The following EDN3 variants were observed in gnomAD, a reference collection of about 807,000 sequenced individuals.
EDN3 encodes the protein endothelin 3, also known as endothelin-3.
Under a neutral mutation model 21.4 loss-of-function variants are expected in EDN3, and 9 were observed. The ratio of observed to expected loss-of-function variants is 0.42; its 90% CI spans 0.25 to 0.73. EDN3 has a LOEUF of 0.73. Among genes scored for constraint, EDN3 ranks in the 30% least tolerant of loss-of-function variants. The pLI is 0.26. For synonymous variants in EDN3, 133 were observed against 126.2 expected (o/e 1.05, Z -0.36); for missense variants, 327 against 309.4 (o/e 1.06, Z -0.43).
rs1990629393 is a variant in EDN3, at chr20:59,322,770, A to G, written c.588+353A>G. On this transcript the variant is annotated intron_variant, in intron 4 of 4. Transcript: ENST00000337938. The surrounding 1 kb of genome is among the most constrained non-coding windows in gnomAD (Gnocchi z 4.1). ...CAACCACCGCTCTCAGAGGCCCTGT[A>G]GGCTGCTCTGCCCAGACCCACACTT... Among the ~76,000 whole-genome samples, 1 of 152,178 alleles carries G rather than the reference A, an allele frequency of 6.6e-6. No homozygotes were observed. Among genetic ancestry groups the G allele is most frequent in the Admixed American group, 6.5e-5 (1 of 15,274 alleles).
intron 4 of EDN3, among the ~76,000 whole-genome samples, chr20:59,323,231 G>C (rs540480592): frequency 6.6e-6 from 1 of 152,142 alleles, no homozygotes; most frequent in South Asian, 2.1e-4. Flanking sequence ...AAAATGGAGC[G>C]GGAGGAGGAG....
intron 3 of EDN3, 58 bp downstream of exon 3, chr20:59,321,251 C>T (rs1046383723): frequency 6.3e-7 from 1 of 1,581,086 alleles, no homozygotes; most frequent in Non-Finnish European, 8.7e-7. Flanking sequence ...CTCGGCAAGG[C>T]CAGGCCAGGG....
intron 2 of EDN3, among the ~76,000 whole-genome samples, chr20:59,312,400 A>G (rs1283054332): frequency 6.6e-6 from 1 of 152,104 alleles, no homozygotes; most frequent in Non-Finnish European, 1.5e-5. Context: ...AAAATCCTGC[A>G]CCACATAACA....
At chr20:59,320,600 G>A (rs1990471968) in intron 2 of EDN3, among the ~76,000 whole-genome samples, 4 of 152,244 alleles carry the variant, frequency 2.6e-5, no homozygotes, top group South Asian at 2.1e-4. Context: ...TAGGCCGGCC[G>A]TGGTTTGGTC....
At chr20:59,302,268 T>C (rs1989102509) in intron 2 of EDN3, among the ~76,000 whole-genome samples, 1 of 152,160 alleles carries the variant, frequency 6.6e-6, no homozygotes, top group Non-Finnish European at 1.5e-5. Flanking sequence ...TGGGCCCCCC[T>C]GGATGCCAAG....
intron 1 of EDN3, among the ~76,000 whole-genome samples, chr20:59,301,203 G>T (rs1015145592): frequency 6.6e-6 from 1 of 152,268 alleles, no homozygotes; most frequent in Non-Finnish European, 1.5e-5. Flanking sequence ...TATGCAAAAT[G>T]CATGCAAGTT....
In EDN3 at chr20:59,322,933, T is replaced by C. The variant is rs974624524; in HGVS notation, c.588+516T>C. ...TTGGTTCTCCAGTTCATTGTATTAT[T>C]TTTTTTAACCCACTTGTCTTTTTTG... On this transcript the variant is annotated intron_variant, in intron 4 of 4. Transcript: ENST00000337938. This position sits in a 1 kb window ranked among gnomAD's most constrained non-coding sequence, Gnocchi z 4.1. Among the ~76,000 whole-genome samples, 2 of 152,038 alleles carry C rather than the reference T, an allele frequency of 1.3e-5. No individual in the cohort carries two copies. Among genetic ancestry groups the C allele is most frequent in the African/African-American group, 4.8e-5 (2 of 41,400 alleles).
rs1353604924 is a variant in EDN3, at chr20:59,300,963, G to C, written c.52+99G>C. The C allele has an allele frequency of 7.8e-6, 11 of 1,403,362 alleles. No homozygotes were observed. In the Admixed American group the frequency reaches 2.0e-4, roughly 25 times the overall value. The allele number at this position is 1,403,362 out of a possible 1,614,324, so 86.9% of individuals were successfully genotyped here. On this transcript the variant is annotated intron_variant, in intron 1 of 4. Coordinates refer to ENST00000337938, the MANE Select transcript of EDN3 (RefSeq NM_207034.3). ...GCGGAGAAGATGTGCGTCGCGGGGA[G>C]CAAACTCTTGCCTGGGCTCTGCACT...
intron 2 of EDN3, among the ~76,000 whole-genome samples, chr20:59,310,762 C>T (rs3026599): frequency 0.064 from 9,731 of 152,166 alleles, 393 homozygotes; most frequent in South Asian, 0.16. Context: ...ACAAAAGTAC[C>T]GACAGACGCA....
In EDN3 at chr20:59,301,733, C is replaced by T. The variant is rs1407203859; in HGVS notation, c.365+11C>T. 3 of 1,613,934 alleles carry T rather than the reference C, an allele frequency of 1.9e-6. No homozygotes were observed. The highest frequency in any genetic ancestry group is 2.5e-6 in the Non-Finnish European group (3 of 1,179,902). ...GATCAACACTCCCGAGTAAGTCAGC[C>T]TTTTGTGGTGAGGAACGTGGCTCCC... On this transcript the variant is annotated intron_variant, in intron 2 of 4. Coordinates refer to ENST00000337938, the MANE Select transcript of EDN3 (RefSeq NM_207034.3).
chr20:59,324,370 C>T lies in EDN3; in HGVS notation c.628C>T (p.Leu210Phe). 3.1e-6 allele frequency: 5 copies of T among 1,614,160 alleles called. No individual in the cohort carries two copies. The highest frequency in any genetic ancestry group is 4.2e-6 in the Non-Finnish European group (5 of 1,180,028). ...KDQQSKQALD[L>F]HHPKLMPGSG... ...CCAACAAAGCAAGCAGGCTTTAGAC[C>T]TCCACCATCCAAAGCTCATGCCCGG... Residue 210 changes from leucine to phenylalanine, a missense_variant, in exon 5 of 5, where the codon CTC becomes TTC. Leu to Phe is a conservative substitution (Grantham distance 22, BLOSUM62 0). Coordinates refer to ENST00000337938, the MANE Select transcript of EDN3 (RefSeq NM_207034.3).
At chr20:59,312,887 G>A (rs1005919424) in intron 2 of EDN3, among the ~76,000 whole-genome samples, 2 of 152,172 alleles carry the variant, frequency 1.3e-5, no homozygotes, top group Non-Finnish European at 2.9e-5. Context: ...CTGTGAATGA[G>A]TCATCCTTGG....
At position 59,322,286 on chromosome 20, in the gene EDN3, GGGAAGA is replaced by G; in HGVS notation, c.543-80_543-75del. ...GAACGCACTAATGTGCTCATTGGTG[GGGAAGA>G]GGAAGTCATAATTTGACACCGAAAA... On this transcript the variant is annotated intron_variant, in intron 3 of 4. Transcript: ENST00000337938. The surrounding 1 kb of genome is among the most constrained non-coding windows in gnomAD (Gnocchi z 4.1). 1 of 1,466,200 alleles carries G rather than the reference GGGAAGA, an allele frequency of 6.8e-7. No homozygotes were observed. The highest frequency in any genetic ancestry group is 9.6e-7 in the Non-Finnish European group (1 of 1,046,778). 90.8% of individuals were successfully genotyped at this position (1,466,200 alleles called of 1,614,324 possible).
In EDN3 at chr20:59,321,230, A is replaced by G. The variant is rs76439042; in HGVS notation, c.542+37A>G. ...CCTCCAGTTTCACTCATTTGCAGAT[A>G]TGCATCAACCCTCGGCAAGGCCAGG... is the stretch of plus-strand genomic sequence containing the variant. On this transcript the variant is annotated intron_variant, in intron 3 of 4. Coordinates refer to ENST00000337938, the MANE Select transcript of EDN3 (RefSeq NM_207034.3). The G allele has an allele frequency of 2.6e-5, 42 of 1,611,558 alleles. No individual in the cohort carries two copies. In the African/African-American group the frequency reaches 5.3e-4, roughly 20 times the overall value.
Position 59,300,751 on chromosome 20 carries a change from C to A in EDN3, c.-62C>A. ...AGGCCAGCTGTACCCGGCCCCAGTG[C>A]CCTTTCGCGGCCACAAGCGGCCGTC... On this transcript the variant is annotated 5_prime_UTR_variant, in exon 1 of 5. Coordinates refer to ENST00000337938, the MANE Select transcript of EDN3 (RefSeq NM_207034.3). 1 of 1,560,168 alleles carries A rather than the reference C, an allele frequency of 6.4e-7. No homozygotes were observed. Among genetic ancestry groups the A allele is most frequent in the South Asian group, 1.2e-5 (1 of 86,646 alleles).
intron 1 of EDN3, among the ~76,000 whole-genome samples, 171 bp downstream of exon 1, chr20:59,301,035 C>A (rs1223626491): frequency 6.6e-6 from 1 of 152,336 alleles, no homozygotes; most frequent in African/African-American, 2.4e-5. Flanking sequence ...CGGCGCGCAA[C>A]GACTACCCGC....
intron 2 of EDN3, among the ~76,000 whole-genome samples, chr20:59,320,074 G>T (rs529654594): frequency 7.9e-4 from 121 of 152,314 alleles, no homozygotes; most frequent in South Asian, 2.7e-3. Flanking sequence ...AGCTTCCACG[G>T]GTTTTGCTCT....
At chr20:59,313,405 C>T (rs1989962110) in intron 2 of EDN3, among the ~76,000 whole-genome samples, 1 of 152,162 alleles carries the variant, frequency 6.6e-6, no homozygotes, top group Admixed American at 6.5e-5. Context: ...GGAACTGGCC[C>T]TCATTCTTAG....
intron 2 of EDN3, among the ~76,000 whole-genome samples, chr20:59,312,610 C>T (rs951653749): frequency 6.6e-6 from 1 of 152,254 alleles, no homozygotes; most frequent in East Asian, 1.9e-4. Flanking sequence ...AGAGTGTAAA[C>T]AGTTTGGGCT....
Sources: gnomAD v4.1 joint callset for allele counts (sites outside exome capture counted in the v4.1 genomes callset) on GRCh38, gnomAD v4.1.1 for gene constraint, Gnocchi (gnomAD v3.1) non-coding constraint, MANE v1.5 for transcripts, NCBI Gene and HGNC (gene_info 2026-07-23, HGNC 2026-07-21) for gene names.